The following ARHGAP12 variants were observed in gnomAD, a reference collection of about 807,000 sequenced individuals.
ARHGAP12 encodes rho GTPase-activating protein 12.
Under a neutral mutation model 108.6 loss-of-function variants are expected in ARHGAP12, and 64 were observed. The observed-to-expected ratio is 0.59, with a 90% CI of 0.48 to 0.73. The LOEUF (loss-of-function observed/expected upper bound fraction) is 0.73, where lower values mean the gene tolerates loss of function less well. ARHGAP12 is among the 30% of genes least tolerant of loss of function. The pLI is 0.00. For synonymous variants in ARHGAP12, 312 were observed against 337.2 expected, an observed-to-expected ratio of 0.93 and a Z score of 0.82; for missense variants, 940 against 1,005.9, an observed-to-expected ratio of 0.93 and a Z score of 0.89.
chr10:31,927,506 T>C lies in ARHGAP12; in HGVS notation c.-111+1177A>G, dbSNP rs149580554. Among the ~76,000 whole-genome samples, 12 of 152,252 alleles carry C rather than the reference T, an allele frequency of 7.9e-5. No individual in the cohort carries two copies. In the East Asian group the frequency reaches 2.1e-3, roughly 27 times the overall value. ...CAGAACCCGAGTGAGCCTTCCTTCC[T>C]CCACCACCTCCCTTTAGGAACGCAT... On this transcript the variant is annotated intron_variant, in intron 1 of 19. Coordinates refer to ENST00000344936, the MANE Select transcript of ARHGAP12 (RefSeq NM_018287.7).
At chr10:31,827,107 A>G (rs1459440659) in intron 10 of ARHGAP12, 2 of 152,184 alleles carry the variant, frequency 1.3e-5, no homozygotes, top group African/African-American at 4.8e-5. Context: ...CTACTATCCT[A>G]TCTCCAGATA....
At chr10:31,891,819 A>G (rs189006462) in intron 3 of ARHGAP12, among the ~76,000 whole-genome samples, 82 of 151,714 alleles carry the variant, frequency 5.4e-4, no homozygotes, top group African/African-American at 1.9e-3. Flanking sequence ...TTCTCACTTC[A>G]TTTCATTCAT....
intron 3 of ARHGAP12, among the ~76,000 whole-genome samples, chr10:31,891,355 G>T (rs1592344367): frequency 6.6e-6 from 1 of 152,126 alleles, no homozygotes; most frequent in Non-Finnish European, 1.5e-5. Flanking sequence ...AGTTAGGCTG[G>T]ATATTAAATT....
At chr10:31,885,913 GA>G (rs1838172208) in intron 3 of ARHGAP12, among the ~76,000 whole-genome samples, 1 of 151,216 alleles carries the variant, frequency 6.6e-6, no homozygotes, top group Admixed American at 6.6e-5. Context: ...CAAAAGTCAA[GA>G]ATCTTTTGTA....
intron 3 of ARHGAP12, among the ~76,000 whole-genome samples, chr10:31,899,337 A>G (rs1838831838): frequency 6.6e-6 from 1 of 152,266 alleles, no homozygotes; most frequent in Admixed American, 6.5e-5. Context: ...ATTCAATCCA[A>G]TTCCAATCAA....
In ARHGAP12 at chr10:31,908,323, C is replaced by T; in HGVS notation, c.533G>A (p.Gly178Asp). The change falls in exon 3 of 20, where the codon GGT becomes GAT. Residue 178 changes from glycine (G) to aspartate (D), a missense_variant. Transcript: ENST00000344936. ...CAAGAACTCTGGACCGGGAAAATGA[C>T]CAAATGAGCGTGTCCTATTCTGGCT... Reference protein sequence around the residue: ...VSSQNRTRSFGHFPGPEFLDV... With the variant: ...VSSQNRTRSFDHFPGPEFLDV... The T allele has an allele frequency of 6.2e-7, 1 of 1,614,118 alleles. No individual in the cohort carries two copies. Among genetic ancestry groups the T allele is most frequent in the Non-Finnish European group, 8.5e-7 (1 of 1,180,010 alleles).
chr10:31,890,331 T>A (rs117408474), intron 3 of ARHGAP12, among the ~76,000 whole-genome samples: 3 of 152,186 alleles, frequency 2.0e-5, no homozygotes, highest in Non-Finnish European at 4.4e-5. Flanking sequence ...TACAAATAGG[T>A]TGCTTTCTAA....
chr10:31,832,019 T>C (rs1420592371), intron 9 of ARHGAP12, among the ~76,000 whole-genome samples: 1 of 152,198 alleles, frequency 6.6e-6, no homozygotes, highest in East Asian at 1.9e-4. Flanking sequence ...CTTCTTTTTC[T>C]CCTTAAGTCA....
chr10:31,920,665 A>AGTTTTT (rs142244826), intron 1 of ARHGAP12, among the ~76,000 whole-genome samples: 1 of 151,964 alleles, frequency 6.6e-6, no homozygotes, highest in Non-Finnish European at 1.5e-5. Context: ...ACTACAATAA[A>AGTTTTT]GTTTTTGTTT....
intron 1 of ARHGAP12, among the ~76,000 whole-genome samples, chr10:31,928,254 GCACACACCCGCCTTGTGCA>G (rs1564442781): frequency 7.0e-6 from 1 of 142,660 alleles, no homozygotes; most frequent in Non-Finnish European, 1.5e-5. Context: ...ACATAGACAC[GCACACACCCGCCTTGTGCA>G]CACACGCGCG....
rs140907615 is a variant in ARHGAP12, at chr10:31,865,613, C to T, written c.685-3955G>A. 2.6e-4 allele frequency among the ~76,000 whole-genome samples: 40 copies of T among 152,164 alleles called. No individual in the cohort carries two copies. In the East Asian group the frequency reaches 7.2e-3, roughly 27 times the overall value. ...AGGGCTGGCCAGGCGCGGCGACTCA[C>T]GCCTGTAATCCCAGCACTTTGGGAG... On this transcript the variant is annotated intron_variant, in intron 3 of 19. Transcript: ENST00000344936.
At position 31,899,508 on chromosome 10, in the gene ARHGAP12, G is replaced by C. The variant is rs76748234; in HGVS notation, c.684+8664C>G. 5.2e-3 allele frequency among the ~76,000 whole-genome samples: 794 copies of C among 152,214 alleles called. 12 individuals are homozygous for C. Among genetic ancestry groups the C allele is most frequent in the Admixed American group, 5.0e-3 (76 of 15,290 alleles). On this transcript the variant is annotated intron_variant, in intron 3 of 19. Transcript: ENST00000344936. ...CTTACTATAAAGCTACATTAATCCA[G>C]ACAGCATGGTATTAGCAAAGGAATG...
intron 1 of ARHGAP12, among the ~76,000 whole-genome samples, chr10:31,918,315 T>TCACACA (rs58245483): frequency 0.011 from 1,606 of 140,018 alleles, 17 homozygotes; most frequent in East Asian, 0.025. Flanking sequence ...ATTAGGGAAA[T>TCACACA]CACACACACA....
intron 10 of ARHGAP12, among the ~76,000 whole-genome samples, chr10:31,827,627 T>C (rs1357812291): frequency 6.6e-6 from 1 of 152,028 alleles, no homozygotes; most frequent in Non-Finnish European, 1.5e-5. Context: ...TCGTCTCTAC[T>C]AAAAATACAA....
chr10:31,835,785 A>C (rs905496978), intron 9 of ARHGAP12, among the ~76,000 whole-genome samples: 6 of 152,356 alleles, frequency 3.9e-5, no homozygotes, highest in Admixed American at 1.3e-4. Flanking sequence ...TGAAACATCC[A>C]GAATGGGTAA....
chr10:31,866,390 G>C (rs1289919534), intron 3 of ARHGAP12, among the ~76,000 whole-genome samples: 1 of 152,136 alleles, frequency 6.6e-6, no homozygotes, highest in Non-Finnish European at 1.5e-5. Context: ...GTGAGGCATT[G>C]TACAACAATC....
chr10:31,889,289 A>G (rs1663475544), intron 3 of ARHGAP12, among the ~76,000 whole-genome samples: 1 of 152,220 alleles, frequency 6.6e-6, no homozygotes, highest in Non-Finnish European at 1.5e-5. Context: ...TGGCAGTATT[A>G]GCTAGCTAGC....
intron 3 of ARHGAP12, among the ~76,000 whole-genome samples, chr10:31,895,954 C>G (rs1006648510): frequency 7.2e-5 from 11 of 152,062 alleles, no homozygotes; most frequent in Non-Finnish European, 1.5e-4. Flanking sequence ...ATGGATGAAG[C>G]TGGAAACCAT....
intron 9 of ARHGAP12, among the ~76,000 whole-genome samples, chr10:31,838,782 G>C (rs1432545161): frequency 1.4e-5 from 2 of 145,170 alleles, no homozygotes; most frequent in Non-Finnish European, 3.0e-5. Flanking sequence ...AGTTAGCCGA[G>C]ATCATGCCAT....
Sources: gnomAD v4.1 joint callset for allele counts (sites outside exome capture counted in the v4.1 genomes callset) on GRCh38, gnomAD v4.1.1 for gene constraint, MANE v1.5 for transcripts, NCBI Gene and HGNC (gene_info 2026-07-23, HGNC 2026-07-21) for gene names.